NAA15: variants seen among roughly 807,000 people sequenced by gnomAD.
NAA15 encodes N-alpha-acetyltransferase 15, NatA auxiliary subunit, also known as N-terminal acetyltransferase.
A neutral mutation model predicts 114.0 loss-of-function variants in NAA15; 34 were observed. The observed-to-expected ratio is 0.30, with a 90% confidence interval of 0.23 to 0.40. The LOEUF is 0.40. Among genes scored for constraint, NAA15 ranks in the 10% least tolerant of loss-of-function variants. The pLI, the probability that NAA15 is intolerant of heterozygous loss-of-function variation, is 1.00. For missense variants in NAA15, 658 were observed against 1,004.5 expected, an observed-to-expected ratio of 0.66 and a Z score of 4.66; for synonymous variants, 340 against 338.0, an observed-to-expected ratio of 1.01 and a Z score of -0.06.
intron 14 of NAA15, among the ~76,000 whole-genome samples, chr4:139,364,054 T>G (rs975173540): frequency 6.6e-6 from 1 of 152,164 alleles, no homozygotes; most frequent in African/African-American, 2.4e-5. Context: ...CTAATTTATT[T>G]TTGTAGAGAC....
intron 1 of NAA15, among the ~76,000 whole-genome samples, chr4:139,332,857 C>T (rs1747068607): frequency 6.6e-6 from 1 of 152,102 alleles, no homozygotes; most frequent in South Asian, 2.1e-4. Context: ...GCTGGGATTA[C>T]AAGCATGAGC....
chr4:139,385,274 T>C (rs1217125636), intron 18 of NAA15, among the ~76,000 whole-genome samples: 1 of 94,440 alleles, frequency 1.1e-5, no homozygotes, highest in Admixed American at 9.1e-5. Context: ...ACCAAACATA[T>C]ATATATATAA....
chr4:139,332,572 GTTTTTTT>G (rs1164115947), intron 1 of NAA15, among the ~76,000 whole-genome samples: 11 of 62,028 alleles, frequency 1.8e-4, no homozygotes, highest in South Asian at 1.5e-3. Flanking sequence ...TGGTTTGTAT[GTTTTTTT>G]TTTTTTTTTT....
chr4:139,311,726 C>T (rs1461027868), intron 1 of NAA15, among the ~76,000 whole-genome samples: 1 of 151,694 alleles, frequency 6.6e-6, no homozygotes, highest in Non-Finnish European at 1.5e-5. Context: ...GCTTTACAAC[C>T]GATTCTGACA....
intron 16 of NAA15, among the ~76,000 whole-genome samples, chr4:139,377,054 A>C (rs2110991072): frequency 6.6e-6 from 1 of 152,344 alleles, no homozygotes; most frequent in East Asian, 1.9e-4. Context: ...GTAGATAATA[A>C]GATTTTAGAG....
chr4:139,329,107 C>G (rs1016227411), intron 1 of NAA15, among the ~76,000 whole-genome samples: 1 of 150,192 alleles, frequency 6.7e-6, no homozygotes, highest in Non-Finnish European at 1.5e-5. Flanking sequence ...GTCTCAAACT[C>G]CTGGTCTCAA....
intron 10 of NAA15, among the ~76,000 whole-genome samples, chr4:139,355,006 A>C (rs937237032): frequency 6.6e-6 from 1 of 152,180 alleles, no homozygotes; most frequent in Non-Finnish European, 1.5e-5. Flanking sequence ...CCTCCCGAGT[A>C]GCTGGGACAG....
At chr4:139,325,188 C>T (rs1333829760) in intron 1 of NAA15, among the ~76,000 whole-genome samples, 1 of 152,054 alleles carries the variant, frequency 6.6e-6, no homozygotes, top group Non-Finnish European at 1.5e-5. Flanking sequence ...ATGTTCACTT[C>T]TCACTTTATT....
At chr4:139,371,542 C>CACACACACACACACACA (rs1579131322) in intron 15 of NAA15, among the ~76,000 whole-genome samples, 2 of 138,580 alleles carry the variant, frequency 1.4e-5, no homozygotes, top group Non-Finnish European at 3.1e-5. Context: ...CACACACACA[C>CACACACACACACACACA]GAAATATAGA....
At chr4:139,382,363 T>C (rs1258985638) in intron 17 of NAA15, among the ~76,000 whole-genome samples, 1 of 152,126 alleles carries the variant, frequency 6.6e-6, no homozygotes, top group Non-Finnish European at 1.5e-5. Flanking sequence ...TCAGTTTTGG[T>C]AGAGTTTTTT....
intron 1 of NAA15, among the ~76,000 whole-genome samples, chr4:139,317,110 T>G (rs923117383): frequency 7.9e-5 from 12 of 151,926 alleles, no homozygotes; most frequent in African/African-American, 2.7e-4. Context: ...CTCAGTCATA[T>G]TACATGTAAT....
chr4:139,381,796 C>T (rs1479979846), intron 17 of NAA15, among the ~76,000 whole-genome samples: 1 of 152,086 alleles, frequency 6.6e-6, no homozygotes, highest in African/African-American at 2.4e-5. Context: ...ACCATTGGTG[C>T]TTGCTTAATT....
rs74458867 is a variant in NAA15, at chr4:139,347,320, C to G, written c.692-2142C>G. On this transcript the variant is annotated intron_variant, in intron 6 of 19. Transcript: ENST00000296543. ...TGGTAAAACTGCCCCTGGTTGAGAA[C>G]CGCTGGTACAGATACTAAGAATATG... Among the ~76,000 whole-genome samples, 1,299 of 152,162 alleles carry G rather than the reference C, an allele frequency of 8.5e-3. 21 individuals are homozygous for G. Among genetic ancestry groups the G allele is most frequent in the African/African-American group, 0.03 (1,244 of 41,518 alleles).
intron 3 of NAA15, among the ~76,000 whole-genome samples, chr4:139,338,725 G>A (rs1259079739): frequency 6.6e-6 from 1 of 152,196 alleles, no homozygotes; most frequent in Admixed American, 6.5e-5. Context: ...TGGGATTACA[G>A]GTGTGAGCCA....
chr4:139,330,192 G>T (rs973685577), intron 1 of NAA15, among the ~76,000 whole-genome samples: 4 of 152,120 alleles, frequency 2.6e-5, no homozygotes, highest in African/African-American at 9.7e-5. Flanking sequence ...TTCCTTATAG[G>T]TATGAATTTT....
intron 3 of NAA15, among the ~76,000 whole-genome samples, chr4:139,338,549 G>T (rs1301390496): frequency 6.6e-6 from 1 of 152,134 alleles, no homozygotes; most frequent in African/African-American, 2.4e-5. Context: ...CCTGCTTCAA[G>T]TGATTCTCCT....
intron 6 of NAA15, among the ~76,000 whole-genome samples, chr4:139,348,963 A>C (rs1454686741): frequency 3.3e-5 from 5 of 152,222 alleles, no homozygotes; most frequent in African/African-American, 1.2e-4. Context: ...AGTTAAGCTT[A>C]AAATAGGATG....
intron 18 of NAA15, among the ~76,000 whole-genome samples, chr4:139,385,271 A>ATATATATATATAATATAT: frequency 1.1e-5 from 1 of 92,354 alleles, no homozygotes; most frequent in African/African-American, 5.5e-5. Flanking sequence ...AAAACCAAAC[A>ATATATATATATAATATAT]TATATATATA....
intron 6 of NAA15, among the ~76,000 whole-genome samples, chr4:139,346,390 T>C (rs1747582871): frequency 6.6e-6 from 1 of 151,914 alleles, no homozygotes; most frequent in South Asian, 2.1e-4. Context: ...ATAAAGAGAA[T>C]AGAAGGGAAG....
Sources: gnomAD v4.1 joint callset for allele counts (sites outside exome capture counted in the v4.1 genomes callset) on GRCh38, gnomAD v4.1.1 for gene constraint, MANE v1.5 for transcripts, NCBI Gene and HGNC (gene_info 2026-07-23, HGNC 2026-07-21) for gene names.